The following GDPD5 variants were observed in gnomAD, a reference collection of about 807,000 sequenced individuals.
The protein encoded by GDPD5 is glycerophosphodiester phosphodiesterase domain containing 5.
A neutral mutation model predicts 75.1 loss-of-function variants in GDPD5; 48 were observed. The ratio of observed to expected loss-of-function variants is 0.64; its 90% CI spans 0.51 to 0.81. GDPD5 has a LOEUF of 0.81. GDPD5 is among the 40% of genes least tolerant of loss of function. The pLI is 0.00. For missense variants in GDPD5, 706 were observed against 822.6 expected (o/e 0.86, Z 1.73); for synonymous variants, 336 against 339.0 (o/e 0.99, Z 0.10).
chr11:75,448,896 A>G (rs977361725), intron 9 of GDPD5, 81 bp downstream of exon 9: 1 of 1,418,690 alleles, frequency 7.0e-7, no homozygotes, highest in Non-Finnish European at 9.3e-7. Context: ...TGCTACCATT[A>G]CATATATCCA....
chr11:75,497,880 C>T (rs530523911), intron 1 of GDPD5, among the ~76,000 whole-genome samples: 48 of 152,256 alleles, frequency 3.2e-4, no homozygotes, highest in African/African-American at 9.6e-4. Context: ...GTGTGATCAC[C>T]GGCAAATCAC....
At chr11:75,463,643 G>C (rs1331248391) in intron 3 of GDPD5, among the ~76,000 whole-genome samples, 1 of 152,218 alleles carries the variant, frequency 6.6e-6, no homozygotes, top group Non-Finnish European at 1.5e-5. Flanking sequence ...CAGCCCTTGA[G>C]GGGAGGTCAG....
At chr11:75,462,397 T>TC (rs1034226570) in intron 4 of GDPD5, among the ~76,000 whole-genome samples, 1 of 152,240 alleles carries the variant, frequency 6.6e-6, no homozygotes, top group African/African-American at 2.4e-5. Context: ...CAGCTAAAGT[T>TC]CCCCAGGTTT....
chr11:75,441,309 C>G lies in GDPD5; in HGVS notation c.1327G>C (p.Asp443His), dbSNP rs1255416818. The change falls in exon 14 of 17, where the codon GAC becomes CAC. Residue 443 changes from aspartate to histidine, a missense_variant and splice_region_variant. Transcript: ENST00000336898. ...YTQVSRQELR[D>H]YASWNLSVNL... is the part of the protein sequence containing the mutation. ...ACACTCAGGTTCCAGGACGCGTAGT[C>G]CCTGTGGGGCAGGGGAGAGGCAGGT... 2 of 1,614,114 alleles carry G rather than the reference C, an allele frequency of 1.2e-6. No homozygotes were observed. The highest frequency in any genetic ancestry group is 1.7e-6 in the Non-Finnish European group (2 of 1,180,018).
chr11:75,486,224 T>C (rs909655599), intron 2 of GDPD5, among the ~76,000 whole-genome samples: 1 of 152,204 alleles, frequency 6.6e-6, no homozygotes, highest in Non-Finnish European at 1.5e-5. Flanking sequence ...GGCCAATCCC[T>C]GATCCCTCCC....
chr11:75,456,408 G>T, intron 6 of GDPD5: 1 of 271,028 alleles, frequency 3.7e-6, no homozygotes, highest in African/African-American at 2.1e-5. Flanking sequence ...GCCACAGTAT[G>T]AGCTGTGAGC....
chr11:75,494,972 A>AAT (rs1219200508), intron 1 of GDPD5, among the ~76,000 whole-genome samples: 3 of 150,506 alleles, frequency 2.0e-5, no homozygotes, highest in Non-Finnish European at 1.5e-5. Flanking sequence ...ACAACAACAA[A>AAT]ATATATATAT....
rs952063967 is a variant in GDPD5 at position 75,449,739 on chromosome 11, G to A, written c.475-129C>T. 4 of 1,246,586 alleles carry A rather than the reference G, an allele frequency of 3.2e-6. No individual in the cohort carries two copies. The African/African-American group carries it at 4.4e-5, about 14-fold the overall frequency. The allele number at this position is 1,246,586 out of a possible 1,614,324, so 77.2% of individuals were successfully genotyped here. A position where few individuals can be genotyped will look rare whatever the true frequency, so the allele number is the denominator to read the frequency against. On this transcript the variant is annotated intron_variant, in intron 7 of 16. Transcript: ENST00000336898. ...CATCTGCCAACTGGGGACACTGGGAGCCTCAGGACCCTGGTGTCCTCCCTA... is the reference window on the plus strand; with the variant it reads ...CATCTGCCAACTGGGGACACTGGGAACCTCAGGACCCTGGTGTCCTCCCTA...
chr11:75,496,302 C>T (rs532956607), intron 1 of GDPD5, among the ~76,000 whole-genome samples: 42 of 152,360 alleles, frequency 2.8e-4, no homozygotes, highest in African/African-American at 9.1e-4. Context: ...CAAATCTCCA[C>T]ATTCCTTGCC....
chr11:75,493,436 G>C (rs1444310050), intron 1 of GDPD5, among the ~76,000 whole-genome samples: 4 of 151,828 alleles, frequency 2.6e-5, no homozygotes, highest in Non-Finnish European at 5.9e-5. Flanking sequence ...ATGCTGCCCA[G>C]GCTGGAGTGC....
chr11:75,513,798 A>G (rs1950580547), intron 1 of GDPD5, among the ~76,000 whole-genome samples: 1 of 152,186 alleles, frequency 6.6e-6, no homozygotes, highest in Admixed American at 6.5e-5. Flanking sequence ...CCTGGCACCC[A>G]TAGGGCCTCC....
At chr11:75,455,109 C>A (rs1949256326) in intron 6 of GDPD5, 1 of 331,194 alleles carries the variant, frequency 3.0e-6, no homozygotes. Flanking sequence ...CCAGCATGGA[C>A]AATGGGATCT....
intron 1 of GDPD5, among the ~76,000 whole-genome samples, chr11:75,522,399 C>G (rs116212994): frequency 6.6e-6 from 1 of 152,194 alleles, no homozygotes. Context: ...CCTGCCCAGA[C>G]AGCCACCTCC....
Position 75,441,675 on chromosome 11 carries a change from G to C in GDPD5, c.1296C>G (p.Arg432=). The change falls in exon 13 of 17, where the codon CGC becomes CGG. Residue 432 remains arginine (R), a synonymous_variant. Coordinates refer to ENST00000336898, the MANE Select transcript of GDPD5 (RefSeq NM_030792.8). ...GCTCCTGGCGGGACACCTGAGTGTA[G>C]CGCAGGTTCAGCCGCTGGATGTGGC... ...RRGHIQRLNL[R]YTQVSRQELR... 1 of 1,599,946 alleles carries C rather than the reference G, an allele frequency of 6.3e-7. No individual in the cohort carries two copies. Among genetic ancestry groups the C allele is most frequent in the Non-Finnish European group, 8.5e-7 (1 of 1,174,284 alleles).
chr11:75,441,676 C>T lies in GDPD5; in HGVS notation c.1295G>A (p.Arg432His), dbSNP rs780364323. The T allele has an allele frequency of 3.2e-5, 51 of 1,600,208 alleles. No individual in the cohort carries two copies. Among genetic ancestry groups the T allele is most frequent in the Non-Finnish European group, 3.7e-5 (44 of 1,174,412 alleles). ...CTCCTGGCGGGACACCTGAGTGTAG[C>T]GCAGGTTCAGCCGCTGGATGTGGCC... The part of the protein sequence containing the change: ...RRGHIQRLNL[R>H]YTQVSRQELR... The change falls in exon 13 of 17, where the codon CGC (arginine) becomes CAC (histidine). Residue 432 changes from arginine (R) to histidine (H), a missense_variant. Arg to His is a conservative substitution (Grantham distance 29). Coordinates refer to ENST00000336898, the MANE Select transcript of GDPD5 (RefSeq NM_030792.8).
At chr11:75,442,267 G>A in intron 12 of GDPD5, 96 bp downstream of exon 12, 1 of 907,034 alleles carries the variant, frequency 1.1e-6, no homozygotes, top group Non-Finnish European at 1.6e-6. Context: ...AAATGGGAAA[G>A]CTGAAGTCCG....
Position 75,435,528 on chromosome 11 carries a change from G to T in GDPD5, c.1797C>A (p.Leu599=). ...PRGGGSHTKT[L]IERSGR ...TCAGCTAACGCCCACTCCGCTCTAT[G>T]AGGGTCTTGGTGTGGCTGCCACCCC... Residue 599 remains leucine, a synonymous_variant, in exon 17 of 17, where the codon CTC becomes CTA. Transcript: ENST00000336898. The T allele has an allele frequency of 6.2e-7, 1 of 1,611,416 alleles. No homozygotes were observed. Among genetic ancestry groups the T allele is most frequent in the Admixed American group, 1.7e-5 (1 of 59,686 alleles).
At chr11:75,519,115 A>C (rs1389231733) in intron 1 of GDPD5, among the ~76,000 whole-genome samples, 1 of 152,108 alleles carries the variant, frequency 6.6e-6, no homozygotes, top group African/African-American at 2.4e-5. Flanking sequence ...CTGAAAGCAG[A>C]ATGTCACAGA....
At chr11:75,492,308 A>G (rs1377966762) in intron 1 of GDPD5, 1 of 152,254 alleles carries the variant, frequency 6.6e-6, no homozygotes, top group Non-Finnish European at 1.5e-5. Flanking sequence ...TCTCAGGTAG[A>G]GGGTGACACG....
Sources: allele counts gnomAD v4.1 joint callset (sites outside exome capture counted in the v4.1 genomes callset), GRCh38; gene constraint gnomAD v4.1.1; transcripts MANE v1.5; gene names NCBI Gene and HGNC (gene_info 2026-07-23, HGNC 2026-07-21).